GALNT13: variants seen among roughly 807,000 people sequenced by gnomAD.
The protein encoded by GALNT13 is polypeptide N-acetylgalactosaminyltransferase 13.
Under a neutral mutation model 64.2 loss-of-function variants are expected in GALNT13, and 28 were observed. That is an observed-to-expected ratio of 0.44 (90% CI 0.32 to 0.60). GALNT13 has a LOEUF of 0.60. Among genes scored for constraint, GALNT13 ranks in the 20% least tolerant of loss-of-function variants. GALNT13 has a pLI of 0.05. For synonymous variants in GALNT13, 214 were observed against 224.6 expected (o/e 0.95, Z 0.42); for missense variants, 577 against 669.8 (o/e 0.86, Z 1.53).
chr2:154,219,391 C>G (rs145848809), intron 4 of GALNT13, among the ~76,000 whole-genome samples: 247 of 152,202 alleles, frequency 1.6e-3, no homozygotes, highest in African/African-American at 5.8e-3. Flanking sequence ...TCAGGCAAAT[C>G]TGGTGCCAAG....
At chr2:153,098,059 C>T in the GALNT13 span, among the ~76,000 whole-genome samples, 8 of 152,292 alleles carry the variant, frequency 5.3e-5, no homozygotes. Context: ...GAGTGAGACT[C>T]CGTCTCAAAT....
At chr2:153,620,938 G>T in the GALNT13 span, among the ~76,000 whole-genome samples, 5 of 151,966 alleles carry the variant, frequency 3.3e-5, no homozygotes, top group South Asian at 4.2e-4. Context: ...AAAGACTTGG[G>T]TGTTGTGATC....
intron 3 of GALNT13, among the ~76,000 whole-genome samples, chr2:153,999,871 G>T (rs148879170): frequency 6.6e-6 from 1 of 151,864 alleles, no homozygotes; most frequent in Admixed American, 6.6e-5. Flanking sequence ...AAGTTTTTGC[G>T]TGAGTTTGAG....
At chr2:154,229,576 T>C (rs1352145953) in intron 4 of GALNT13, among the ~76,000 whole-genome samples, 1 of 152,048 alleles carries the variant, frequency 6.6e-6, no homozygotes, top group Non-Finnish European at 1.5e-5. Context: ...CGAATAAATA[T>C]ATAAAATTTA....
At chr2:153,084,312 G>T in the GALNT13 span, among the ~76,000 whole-genome samples, 260 of 152,250 alleles carry the variant, frequency 1.7e-3, 3 homozygotes, top group Non-Finnish European at 3.2e-3. Context: ...CATTGAAGCT[G>T]TAGATTGCTT....
At chr2:153,707,770 A>G in the GALNT13 span, among the ~76,000 whole-genome samples, 2 of 152,156 alleles carry the variant, frequency 1.3e-5, no homozygotes, top group East Asian at 3.9e-4. Flanking sequence ...CATATCCATG[A>G]GTAAAACCTG....
chr2:154,326,697 T>C (rs1043971928), intron 9 of GALNT13, among the ~76,000 whole-genome samples: 1 of 152,110 alleles, frequency 6.6e-6, no homozygotes, highest in African/African-American at 2.4e-5. Context: ...TTTTTATACT[T>C]ACAAAAGATA....
chr2:154,102,531 G>A (rs1702400962), intron 3 of GALNT13, among the ~76,000 whole-genome samples: 1 of 152,094 alleles, frequency 6.6e-6, no homozygotes, highest in Non-Finnish European at 1.5e-5. Flanking sequence ...TAAAATCGTG[G>A]GAGTGGGGTG....
intron 1 of GALNT13, among the ~76,000 whole-genome samples, chr2:153,874,582 G>T (rs1414462285): frequency 6.6e-6 from 1 of 152,030 alleles, no homozygotes; most frequent in Non-Finnish European, 1.5e-5. Context: ...GACAGTGTGG[G>T]GAAACTAGTA....
chr2:153,586,913 C>A, the GALNT13 span, among the ~76,000 whole-genome samples: 1 of 152,172 alleles, frequency 6.6e-6, no homozygotes, highest in Non-Finnish European at 1.5e-5. Context: ...TGGAAATTAA[C>A]CTGCTCCTGA....
intron 3 of GALNT13, among the ~76,000 whole-genome samples, chr2:154,024,026 ACT>A (rs1377247043): frequency 6.6e-6 from 1 of 152,014 alleles, no homozygotes; most frequent in East Asian, 1.9e-4. Flanking sequence ...ATTGGTCCCC[ACT>A]CTCTTCTGGC....
At chr2:153,456,309 A>C in the GALNT13 span, among the ~76,000 whole-genome samples, 1 of 152,174 alleles carries the variant, frequency 6.6e-6, no homozygotes. Context: ...GAGAAACTGA[A>C]ATTGCATCAA....
the GALNT13 span, among the ~76,000 whole-genome samples, chr2:153,481,653 A>G: frequency 6.6e-6 from 1 of 152,190 alleles, no homozygotes; most frequent in Non-Finnish European, 1.5e-5. Flanking sequence ...ATTTTATAAC[A>G]TACATGTTAC....
chr2:153,945,097 C>G (rs1018829155), intron 3 of GALNT13, among the ~76,000 whole-genome samples: 1 of 152,092 alleles, frequency 6.6e-6, no homozygotes, highest in Admixed American at 6.6e-5. Context: ...ATAAAACAAC[C>G]AATTTTTAAA....
the GALNT13 span, among the ~76,000 whole-genome samples, chr2:153,418,366 A>T: frequency 6.6e-6 from 1 of 152,206 alleles, no homozygotes; most frequent in Non-Finnish European, 1.5e-5. Context: ...GAACTGTAAG[A>T]TAAATTTGTG....
the GALNT13 span, among the ~76,000 whole-genome samples, chr2:153,746,835 G>T: frequency 6.6e-6 from 1 of 152,088 alleles, no homozygotes; most frequent in African/African-American, 2.4e-5. Context: ...TTCTCTAATG[G>T]CTGATGAAGC....
At chr2:153,226,395 G>A in the GALNT13 span, among the ~76,000 whole-genome samples, 1 of 152,058 alleles carries the variant, frequency 6.6e-6, no homozygotes, top group Non-Finnish European at 1.5e-5. Context: ...AATAAAGTAT[G>A]GAAAGATAAA....
chr2:154,204,010 C>T (rs1687307858), intron 4 of GALNT13, among the ~76,000 whole-genome samples: 3 of 152,140 alleles, frequency 2.0e-5, no homozygotes, highest in Non-Finnish European at 2.9e-5. Context: ...TTCTGCCCAC[C>T]TCTTTAACTA....
At chr2:153,143,265 G>A in the GALNT13 span, among the ~76,000 whole-genome samples, 41 of 151,896 alleles carry the variant, frequency 2.7e-4, 1 homozygote, top group Non-Finnish European at 5.9e-4. Flanking sequence ...TTTCTCTTTT[G>A]CAAAATGACT....
Sources: gnomAD v4.1 joint callset for allele counts (sites outside exome capture counted in the v4.1 genomes callset) on GRCh38, gnomAD v4.1.1 for gene constraint, MANE v1.5 for transcripts, NCBI Gene and HGNC (gene_info 2026-07-23, HGNC 2026-07-21) for gene names.